Variants in LMAN1 observed in about 807,000 individuals in gnomAD.
The protein encoded by LMAN1 is protein ERGIC-53.
A neutral mutation model predicts 67.8 loss-of-function variants in LMAN1; 32 were observed. That is an observed-to-expected ratio of 0.47 (90% CI 0.36 to 0.63). The LOEUF is 0.63. Among genes scored for constraint, LMAN1 ranks in the 30% least tolerant of loss-of-function variants. The probability of loss-of-function intolerance (pLI) is 0.00; values close to 1 mark genes in which losing one functional copy is unlikely to be tolerated. For synonymous variants in LMAN1, 235 were observed against 219.3 expected, an observed-to-expected ratio of 1.07 and a Z score of -0.63; for missense variants, 632 against 628.2, an observed-to-expected ratio of 1.01 and a Z score of -0.06.
intron 1 of LMAN1, among the ~76,000 whole-genome samples, chr18:59,356,478 T>C (rs1023664862): frequency 1.3e-5 from 2 of 152,226 alleles, no homozygotes; most frequent in African/African-American, 2.4e-5. Context: ...AGGTAATTAC[T>C]AAAGGTCTAT....
In LMAN1 at chr18:59,329,214, C is replaced by T. The variant is rs1487541536; in HGVS notation, c.*1879G>A. 1 of 152,146 alleles carries T rather than the reference C, an allele frequency of 6.6e-6. No individual in the cohort carries two copies. Among genetic ancestry groups the T allele is most frequent in the Non-Finnish European group, 1.5e-5 (1 of 68,016 alleles). The allele number at this position is 152,146 out of a possible 1,614,324, so 9.4% of individuals were successfully genotyped here. On this transcript the variant is annotated 3_prime_UTR_variant, in exon 13 of 13. Coordinates refer to ENST00000251047, the MANE Select transcript of LMAN1 (RefSeq NM_005570.4). ...AAGTATAAAAGATAAAAGGCTCATG[C>T]TCATGCTGTTTCATAATAGCCATCT...
intron 1 of LMAN1, among the ~76,000 whole-genome samples, chr18:59,358,809 G>A (rs1428190964): frequency 6.6e-6 from 1 of 152,188 alleles, no homozygotes; most frequent in East Asian, 1.9e-4. Context: ...GGGTGAGAGA[G>A]AACAGAATGG....
At chr18:59,356,645 C>A (rs983008591) in intron 1 of LMAN1, among the ~76,000 whole-genome samples, 5 of 151,418 alleles carry the variant, frequency 3.3e-5, no homozygotes, top group African/African-American at 1.2e-4. Context: ...TCACTGTTCA[C>A]TGTTACTTAC....
At chr18:59,351,734 C>T (rs1269833574) in intron 5 of LMAN1, 1 of 152,218 alleles carries the variant, frequency 6.6e-6, no homozygotes, top group African/African-American at 2.4e-5. Flanking sequence ...GGCTCACAGC[C>T]TCACGGTGTT....
Position 59,331,170 on chromosome 18 carries a change from C to T in LMAN1, c.1497-41G>A, listed in dbSNP as rs199498875. 6.7e-4 allele frequency: 1,028 copies of T among 1,545,460 alleles called. 1 individual carries two copies. The highest frequency in any genetic ancestry group is 8.5e-4 in the Non-Finnish European group (951 of 1,121,312). On this transcript the variant is annotated intron_variant, in intron 12 of 12. Transcript: ENST00000251047. ...AACAAACACTTAAAGAAGTTCTATA[C>T]GCTTAACTTTGGAAAGAAACAGGAC...
chr18:59,346,236 T>TTTTTA (rs1555672076), intron 7 of LMAN1, among the ~76,000 whole-genome samples, 185 bp from the exon 8 acceptor site: 1 of 102,644 alleles, frequency 9.7e-6, no homozygotes, highest in Non-Finnish European at 2.0e-5. Context: ...TTTTTTTTTT[T>TTTTTA]AGAGACAAGA....
chr18:59,339,922 G>C (rs1191885740), intron 8 of LMAN1, among the ~76,000 whole-genome samples: 1 of 152,146 alleles, frequency 6.6e-6, no homozygotes, highest in Non-Finnish European at 1.5e-5. Context: ...CTCAGGCTAT[G>C]TTTGGGCTGA....
intron 6 of LMAN1, among the ~76,000 whole-genome samples, chr18:59,348,800 T>G (rs1209049909): frequency 6.6e-6 from 1 of 152,242 alleles, no homozygotes; most frequent in Non-Finnish European, 1.5e-5. Flanking sequence ...TGTGGTTTGA[T>G]CTCCAGCCTT....
chr18:59,334,326 GA>G lies in LMAN1; in HGVS notation c.1221-1083del, dbSNP rs922877594. On this transcript the variant is annotated intron_variant, in intron 10 of 12. Transcript: ENST00000251047. ...TATTTCATAAGTGCTGTGAGCCAGG[GA>G]ATATTAGGGATATAAACTTTGCAAG... Among the ~76,000 whole-genome samples the G allele has an allele frequency of 1.8e-3, 269 of 152,294 alleles. 1 individual carries two copies. The highest frequency in any genetic ancestry group is 6.3e-3 in the African/African-American group (263 of 41,568).
At position 59,355,296 on chromosome 18, in the gene LMAN1, C is replaced by T; in HGVS notation, c.477+17G>A. 1 of 1,559,672 alleles carries T rather than the reference C, an allele frequency of 6.4e-7. No individual in the cohort carries two copies. The highest frequency in any genetic ancestry group is 8.8e-7 in the Non-Finnish European group (1 of 1,133,534). On this transcript the variant is annotated intron_variant, in intron 3 of 12. Coordinates refer to ENST00000251047, the MANE Select transcript of LMAN1 (RefSeq NM_005570.4). ...TAGATGTATTAAAGTGGATAACAGT[C>T]CTGACAATAAATATACCTTTCCATC...
At chr18:59,355,773 T>C in intron 1 of LMAN1, 115 bp from the exon 2 acceptor site, 2 of 1,170,886 alleles carry the variant, frequency 1.7e-6, no homozygotes, top group East Asian at 2.5e-5. Context: ...CAATAATGAT[T>C]TGGAAAAAAT....
intron 8 of LMAN1, among the ~76,000 whole-genome samples, chr18:59,344,990 G>A (rs1351283615): frequency 6.6e-6 from 1 of 152,122 alleles, no homozygotes; most frequent in Non-Finnish European, 1.5e-5. Context: ...TGTACTGATC[G>A]GGGTGATGGT....
At chr18:59,338,660 TA>T in intron 9 of LMAN1, 33 bp from the exon 10 acceptor site, 1 of 1,607,694 alleles carries the variant, frequency 6.2e-7, no homozygotes, top group African/African-American at 1.3e-5. Context: ...GCAAGCTGAA[TA>T]ATCCACATTC....
At chr18:59,334,150 C>T (rs971272535) in intron 10 of LMAN1, among the ~76,000 whole-genome samples, 2 of 152,114 alleles carry the variant, frequency 1.3e-5, no homozygotes, top group East Asian at 1.9e-4. Context: ...GAGTATGTAA[C>T]GTTGTCACAT....
intron 7 of LMAN1, 89 bp downstream of exon 7, chr18:59,347,424 C>A (rs1439846154): frequency 8.3e-6 from 6 of 722,328 alleles, no homozygotes; most frequent in Non-Finnish European, 1.3e-5. Flanking sequence ...CTGGCAGAAA[C>A]AAGATCCAAA....
chr18:59,347,613 A>G, intron 6 of LMAN1, 42 bp from the exon 7 acceptor site: 1 of 1,276,292 alleles, frequency 7.8e-7, no homozygotes, highest in Non-Finnish European at 1.1e-6. Context: ...GTTCCATAGG[A>G]GATTACTTTT....
In LMAN1 at chr18:59,331,070, T is replaced by TG; in HGVS notation, c.*22dup. On this transcript the variant is annotated 3_prime_UTR_variant, in exon 13 of 13. Coordinates refer to ENST00000251047, the MANE Select transcript of LMAN1 (RefSeq NM_005570.4). ...CGACATCATTTTGTACACAAATAGA[T>TG]GAAGTACACAGGAAAATGGTAGTCA... The TG allele has an allele frequency of 5.8e-6, 9 of 1,564,998 alleles. No homozygotes were observed. Among genetic ancestry groups the TG allele is most frequent in the Non-Finnish European group, 7.9e-6 (9 of 1,136,712 alleles).
At chr18:59,341,680 G>C (rs955616452) in intron 8 of LMAN1, among the ~76,000 whole-genome samples, 2 of 151,636 alleles carry the variant, frequency 1.3e-5, no homozygotes, top group African/African-American at 2.4e-5. Context: ...AACCAAAACT[G>C]AAAAAAGCAG....
intron 5 of LMAN1, 30 bp downstream of exon 5, chr18:59,353,172 T>C (rs755671498): frequency 6.5e-7 from 1 of 1,528,842 alleles, no homozygotes; most frequent in Admixed American, 1.7e-5. Flanking sequence ...ACATTGTTTA[T>C]TTGATTCTCT....
Sources: allele counts gnomAD v4.1 joint callset (sites outside exome capture counted in the v4.1 genomes callset), GRCh38; gene constraint gnomAD v4.1.1; transcripts MANE v1.5; gene names NCBI Gene and HGNC (gene_info 2026-07-23, HGNC 2026-07-21).